The following CDH11 variants were observed in gnomAD, a reference collection of about 807,000 sequenced individuals.
The protein encoded by CDH11 is cadherin 11, also known as cadherin-11.
A neutral mutation model predicts 67.8 loss-of-function variants in CDH11; 11 were observed. That is an observed-to-expected ratio of 0.16 (90% CI 0.10 to 0.27). The LOEUF is 0.27. Among genes scored for constraint, CDH11 ranks in the 10% least tolerant of loss-of-function variants. CDH11 has a pLI of 1.00. For missense variants in CDH11, 847 were observed against 1,031.2 expected (o/e 0.82, Z 2.45); for synonymous variants, 419 against 400.0 (o/e 1.05, Z -0.57).
chr16:65,042,589 A>C (rs1019145289), intron 2 of CDH11, among the ~76,000 whole-genome samples: 3 of 152,178 alleles, frequency 2.0e-5, no homozygotes, highest in African/African-American at 7.2e-5. Flanking sequence ...ATTGGCAGCA[A>C]AATTTGCATC....
chr16:65,101,867 G>A (rs2074997704), intron 1 of CDH11, among the ~76,000 whole-genome samples: 1 of 152,198 alleles, frequency 6.6e-6, no homozygotes. Flanking sequence ...CTGATTTTCA[G>A]TGTGAATGAC....
chr16:64,993,707 A>C (rs757701356), intron 4 of CDH11, among the ~76,000 whole-genome samples: 47 of 152,176 alleles, frequency 3.1e-4, no homozygotes, highest in Non-Finnish European at 4.6e-4. Context: ...GGAAACCAGG[A>C]AATTGAAGAA....
At chr16:65,070,183 A>C (rs2074392126) in intron 1 of CDH11, among the ~76,000 whole-genome samples, 2 of 152,282 alleles carry the variant, frequency 1.3e-5, no homozygotes, top group South Asian at 4.1e-4. Flanking sequence ...AGAAAGCTAG[A>C]AGCTCCGTTA....
At chr16:65,021,569 C>CATATATATAT (rs58195440) in intron 2 of CDH11, among the ~76,000 whole-genome samples, 4 of 139,002 alleles carry the variant, frequency 2.9e-5, no homozygotes, top group Admixed American at 7.2e-5. Context: ...CACACACACA[C>CATATATATAT]ATATATATAT....
rs766006653 is a variant in CDH11 at position 64,946,912 on chromosome 16, A to C, written c.*691T>G. On this transcript the variant is annotated 3_prime_UTR_variant, in exon 13 of 13. Transcript: ENST00000268603. ...CTTACATGTCAGAATACTGATATTT[A>C]TACGTATACTAAAATAAGAACTTTA... 1.2e-6 allele frequency: 1 copy of C among 802,996 alleles called. No individual in the cohort carries two copies. Among genetic ancestry groups the C allele is most frequent in the Non-Finnish European group, 1.5e-6 (1 of 652,168 alleles). 49.7% of individuals were successfully genotyped at this position (802,996 alleles called of 1,614,324 possible). A position where few individuals can be genotyped will look rare whatever the true frequency, so the allele number is the denominator to read the frequency against.
intron 2 of CDH11, among the ~76,000 whole-genome samples, chr16:65,014,281 T>A (rs2073248149): frequency 1.3e-5 from 2 of 151,814 alleles, no homozygotes. Flanking sequence ...GTCAGTCACG[T>A]GTAATTTTAA....
chr16:65,047,310 A>C (rs1272936230), intron 2 of CDH11, among the ~76,000 whole-genome samples: 4 of 151,844 alleles, frequency 2.6e-5, no homozygotes, highest in African/African-American at 9.7e-5. Flanking sequence ...AGAAGACTTA[A>C]TTCTCTGTAG....
rs560816806 is a variant in CDH11, at chr16:64,944,179, G to A, written c.*3424C>T. The A allele has an allele frequency of 5.2e-5, 12 of 232,764 alleles. No homozygotes were observed. The South Asian group carries it at 9.1e-4, about 18-fold the overall frequency. 14.4% of individuals were successfully genotyped at this position (232,764 alleles called of 1,614,324 possible). On this transcript the variant is annotated 3_prime_UTR_variant, in exon 13 of 13. Coordinates refer to ENST00000268603, the MANE Select transcript of CDH11 (RefSeq NM_001797.4). ...AAGCCAGTGAAGAGGTTTAAGTTAC[G>A]AAGTCATGTGATCTGGGTTGTGTGT...
At chr16:65,122,247 G>A (rs1174918028), upstream of CDH11, 18 of 449,762 alleles carry the variant, frequency 4.0e-5, no homozygotes, top group African/African-American at 2.1e-5. Context: ...GGCTGCGGGG[G>A]CCGACCCCGT....
At chr16:65,093,621 G>A (rs764838613) in intron 1 of CDH11, among the ~76,000 whole-genome samples, 6 of 152,060 alleles carry the variant, frequency 3.9e-5, no homozygotes, top group African/African-American at 9.7e-5. Flanking sequence ...ATACACACGC[G>A]TACACAGCAG....
chr16:65,013,009 A>T (rs1422761148), intron 2 of CDH11, among the ~76,000 whole-genome samples: 1 of 152,178 alleles, frequency 6.6e-6, no homozygotes, highest in Non-Finnish European at 1.5e-5. Context: ...CTGTGTGTTG[A>T]CTAAGTATCT....
chr16:65,045,480 C>T (rs1329245662), intron 2 of CDH11, among the ~76,000 whole-genome samples: 1 of 151,166 alleles, frequency 6.6e-6, no homozygotes, highest in African/African-American at 2.4e-5. Flanking sequence ...TCTAAAGCTT[C>T]CAAATGGTGG....
Position 65,068,258 on chromosome 16 carries a change from G to T in CDH11, c.-297-14330C>A, listed in dbSNP as rs1040915261. On this transcript the variant is annotated intron_variant, in intron 1 of 12. Coordinates refer to ENST00000268603, the MANE Select transcript of CDH11 (RefSeq NM_001797.4). ...GGAGGAAGGGAAACTGCAAGATAAA[G>T]TAATCAGGTGAGTGAGGGGCCTGAA... Among the ~76,000 whole-genome samples the T allele has an allele frequency of 8.6e-5, 13 of 151,960 alleles. No homozygotes were observed. The East Asian group carries it at 2.5e-3, about 30-fold the overall frequency.
chr16:65,008,122 C>A (rs756631852), intron 2 of CDH11, among the ~76,000 whole-genome samples: 11 of 152,220 alleles, frequency 7.2e-5, no homozygotes, highest in South Asian at 6.2e-4. Flanking sequence ...CCTTTTTCTT[C>A]TGGCTGCCAT....
At chr16:65,122,497 T>C (rs1393378236), upstream of CDH11, 1 of 160,150 alleles carries the variant, frequency 6.2e-6, no homozygotes, top group East Asian at 1.9e-4. Flanking sequence ...GGCTGGGCTC[T>C]CGCCTGGCGG....
At position 64,959,945 on chromosome 16, in the gene CDH11, G is replaced by T. The variant is rs565408949; in HGVS notation, c.1643-8927C>A. ...TTACTAAACCAACATTGCTTTCCAC[G>T]CAAACATTTTGTTGTTTATTTATGT... is the stretch of plus-strand genomic sequence containing the variant. On this transcript the variant is annotated intron_variant, in intron 11 of 12. Coordinates refer to ENST00000268603, the MANE Select transcript of CDH11 (RefSeq NM_001797.4). Among the ~76,000 whole-genome samples the T allele has an allele frequency of 2.0e-5, 3 of 152,174 alleles. No individual in the cohort carries two copies. The South Asian group carries it at 6.2e-4, about 32-fold the overall frequency.
At chr16:65,094,708 A>G (rs2074856606) in intron 1 of CDH11, 1 of 152,172 alleles carries the variant, frequency 6.6e-6, no homozygotes, top group African/African-American at 2.4e-5. Flanking sequence ...GACTACAAAC[A>G]GAGGACTATA....
chr16:64,976,869 ACC>A (rs2072187617), intron 8 of CDH11, among the ~76,000 whole-genome samples: 1 of 150,610 alleles, frequency 6.6e-6, no homozygotes. Flanking sequence ...CAACCAACCA[ACC>A]AACCAACCAA....
At chr16:65,104,314 T>C (rs1165891520) in intron 1 of CDH11, among the ~76,000 whole-genome samples, 1 of 152,150 alleles carries the variant, frequency 6.6e-6, no homozygotes, top group East Asian at 1.9e-4. Context: ...AAGAAACATA[T>C]GGGTTTGGAA....
Sources: allele counts gnomAD v4.1 joint callset (sites outside exome capture counted in the v4.1 genomes callset), GRCh38; gene constraint gnomAD v4.1.1; transcripts MANE v1.5; gene names NCBI Gene and HGNC (gene_info 2026-07-23, HGNC 2026-07-21).